The following MROH7 variants were observed in gnomAD, a reference collection of about 807,000 sequenced individuals.
The protein encoded by MROH7 is maestro heat-like repeat-containing protein family member 7.
Under a neutral mutation model 129.2 loss-of-function variants are expected in MROH7, and 113 were observed. The observed-to-expected ratio is 0.87, with a 90% confidence interval of 0.75 to 1.02. MROH7 has a LOEUF of 1.02. Ranked by LOEUF, MROH7 falls within the 50% of genes least tolerant of loss-of-function variation. The pLI, the probability that MROH7 is intolerant of heterozygous loss-of-function variation, is 0.00. For missense variants in MROH7, 1,601 were observed against 1,671.3 expected, an observed-to-expected ratio of 0.96 and a Z score of 0.73; for synonymous variants, 655 against 667.9, an observed-to-expected ratio of 0.98 and a Z score of 0.30.
chr1:54,679,434 G>C lies in MROH7; in HGVS notation c.2221G>C (p.Glu741Gln). ...GGAGTGGTACCGCCACAGGGCGCTG[G>C]AGGTGGTAAGGCCTCCTGGGGGCAG... ...VLEWYRHRAL[E>Q]VIPEIMQGIY... Residue 741 changes from glutamate to glutamine, a missense_variant, in exon 12 of 24, where the codon GAG (glutamate) becomes CAG (glutamine). Coordinates refer to ENST00000421030, the MANE Select transcript of MROH7 (RefSeq NM_001039464.4). 6.2e-7 allele frequency: 1 copy of C among 1,612,612 alleles called. No homozygotes were observed. The highest frequency in any genetic ancestry group is 8.5e-7 in the Non-Finnish European group (1 of 1,179,080).
intron 17 of MROH7, chr1:54,699,984 A>G: frequency 1.6e-6 from 1 of 622,360 alleles, no homozygotes; most frequent in Non-Finnish European, 2.9e-6. Flanking sequence ...TGGGTAGTTC[A>G]GAGAACAGGA....
At chr1:54,642,671 A>T (rs1019839048) in intron 1 of MROH7, among the ~76,000 whole-genome samples, 1 of 152,204 alleles carries the variant, frequency 6.6e-6, no homozygotes, top group African/African-American at 2.4e-5. Context: ...ACTGTAGTGC[A>T]GTGACATGAA....
intron 15 of MROH7, 86 bp downstream of exon 15, chr1:54,686,534 A>G: frequency 3.3e-6 from 4 of 1,223,472 alleles, no homozygotes; most frequent in Middle Eastern, 1.9e-4. Flanking sequence ...CTCAGGGGCA[A>G]TCAATCAATA....
chr1:54,702,848 T>A, intron 21 of MROH7, 103 bp downstream of exon 21: 2 of 1,384,844 alleles, frequency 1.4e-6, no homozygotes, highest in Non-Finnish European at 2.0e-6. Flanking sequence ...CCTATTTCCA[T>A]GACCAACTAC....
chr1:54,703,152 G>A lies in MROH7; in HGVS notation c.3564+407G>A, dbSNP rs1463756168. Among the ~76,000 whole-genome samples the A allele has an allele frequency of 1.3e-5, 2 of 151,922 alleles. No homozygotes were observed. Among genetic ancestry groups the A allele is most frequent in the African/African-American group, 4.8e-5 (2 of 41,320 alleles). On this transcript the variant is annotated intron_variant, in intron 21 of 23. Transcript: ENST00000421030. This position sits in a 1 kb window ranked among gnomAD's most constrained non-coding sequence, Gnocchi z 4.4. Reference sequence around the variant, plus strand: ...TCTGCTTTTCCCTCCCCACCCTGCTGCCATCGTTGCCCTTAATTCAGGGCA... The same window carrying A: ...TCTGCTTTTCCCTCCCCACCCTGCTACCATCGTTGCCCTTAATTCAGGGCA...
chr1:54,702,357 T>C lies in MROH7; in HGVS notation c.3441+112T>C. 3.1e-6 allele frequency: 3 copies of C among 979,692 alleles called. No individual in the cohort carries two copies. The South Asian group carries it at 8.5e-5, about 28-fold the overall frequency. The allele number at this position is 979,692 out of a possible 1,614,324, so 60.7% of individuals were successfully genotyped here. On this transcript the variant is annotated intron_variant, in intron 20 of 23. Coordinates refer to ENST00000421030, the MANE Select transcript of MROH7 (RefSeq NM_001039464.4). ...AAACAATCCTGGGGGCAGTTATGTA[T>C]GTCCAGCCATGTCTGTTTTCTAAAG...
Position 54,706,527 on chromosome 1 carries a change from C to G in MROH7, c.3657C>G (p.Val1219=), listed in dbSNP as rs1309905375. The G allele has an allele frequency of 1.9e-6, 3 of 1,612,488 alleles. No homozygotes were observed. In the African/African-American group the frequency reaches 4.0e-5, roughly 22 times the overall value. ...GGGCCTCCCTCCGGAAGTGCTCAGT[C>G]ATGTTCATAGGTAACCTGCCCTGGC... is the stretch of plus-strand genomic sequence containing the variant. The part of the protein sequence containing the change: ...NSRASLRKCS[V]MFIGSLVPCM... Residue 1219 remains valine, a synonymous_variant, in exon 22 of 24, where the codon GTC becomes GTG. Transcript: ENST00000421030.
chr1:54,673,250 G>T (rs1197501463), intron 8 of MROH7, 64 bp downstream of exon 8: 12 of 1,315,400 alleles, frequency 9.1e-6, no homozygotes, highest in Middle Eastern at 1.9e-4. Context: ...AGAAATTGGT[G>T]CAGGAGCAGT....
rs577050992 is a variant in MROH7 at position 54,679,977 on chromosome 1, C to T, written c.2313C>T (p.Ser771=). 6.2e-7 allele frequency: 1 copy of T among 1,613,940 alleles called. No individual in the cohort carries two copies. The highest frequency in any genetic ancestry group is 8.5e-7 in the Non-Finnish European group (1 of 1,179,998). The change falls in exon 13 of 24, where the codon TCC becomes TCT. Residue 771 remains serine, a synonymous_variant. Coordinates refer to ENST00000421030, the MANE Select transcript of MROH7 (RefSeq NM_001039464.4). ...GCCAGGTGGCCCTGCTGCCCGTCTCCCTCCTGGCTAGCTCCTTCATGACCG... is the reference window on the plus strand; with the variant it reads ...GCCAGGTGGCCCTGCTGCCCGTCTCTCTCCTGGCTAGCTCCTTCATGACCG... ...RARQVALLPV[S]LLASSFMTEV...
chr1:54,658,963 C>G (rs2101079450), intron 3 of MROH7, among the ~76,000 whole-genome samples: 1 of 152,330 alleles, frequency 6.6e-6, no homozygotes, highest in East Asian at 1.9e-4. Flanking sequence ...GACAACTGCT[C>G]TTGGTTGCTA....
intron 15 of MROH7, among the ~76,000 whole-genome samples, chr1:54,687,429 G>T (rs1349154483): frequency 6.6e-6 from 1 of 152,196 alleles, no homozygotes; most frequent in Non-Finnish European, 1.5e-5. Context: ...TAGGATCCCA[G>T]TGCACCATAA....
chr1:54,677,165 A>G (rs1439117409), intron 10 of MROH7, among the ~76,000 whole-genome samples: 13 of 152,112 alleles, frequency 8.5e-5, no homozygotes, highest in South Asian at 2.1e-4. Context: ...TTGGGAGGCC[A>G]AGGCAGGTGG....
intron 10 of MROH7, among the ~76,000 whole-genome samples, chr1:54,675,124 C>T (rs1356313241): frequency 1.3e-5 from 2 of 152,204 alleles, no homozygotes; most frequent in South Asian, 2.1e-4. Context: ...TACAGGCACA[C>T]ATCACCACAC....
At chr1:54,684,914 A>G (rs976902498) in intron 14 of MROH7, among the ~76,000 whole-genome samples, 3 of 152,222 alleles carry the variant, frequency 2.0e-5, no homozygotes, top group African/African-American at 4.8e-5. Context: ...CATTCAGCCC[A>G]TGTTAGGTCA....
chr1:54,698,159 GTGGAAGGTGAACTCCTTAAGGGAGC>G (rs1397954333), intron 17 of MROH7: 1 of 162,898 alleles, frequency 6.1e-6, no homozygotes, highest in Non-Finnish European at 1.3e-5. Flanking sequence ...GCTTCTCCCA[GTGGAAGGTGAACTCCTTAAGGGAGC>G]TGTGCCATCT....
At chr1:54,647,861 T>C (rs148822817) in intron 1 of MROH7, among the ~76,000 whole-genome samples, 24,052 of 141,214 alleles carry the variant, frequency 0.17, 2,361 homozygotes, top group Non-Finnish European at 0.24. Context: ...GCCAAAATTG[T>C]GCCATTGCAC....
rs1645578834 is a variant in MROH7, at chr1:54,708,943, G to C, written c.3668-71G>C. 4 of 1,260,726 alleles carry C rather than the reference G, an allele frequency of 3.2e-6. No homozygotes were observed. The African/African-American group carries it at 6.1e-5, about 19-fold the overall frequency. The allele number at this position is 1,260,726 out of a possible 1,614,324, so 78.1% of individuals were successfully genotyped here. On this transcript the variant is annotated intron_variant, in intron 22 of 23. Transcript: ENST00000421030. ...GGGAAAAGCATCTCTGAGGAACTCT[G>C]GTCTAAGGGTGGGTTGGGGTGGGGT...
rs1351487468 is a variant in MROH7 at position 54,695,962 on chromosome 1, C to T, written c.2964+472C>T. ...GAGGGCTTCCTGGAGGAGGTGACATCTAAGCTGAGTGTGTGTTGGGGAGGT... is the reference window on the plus strand; with the variant it reads ...GAGGGCTTCCTGGAGGAGGTGACATTTAAGCTGAGTGTGTGTTGGGGAGGT... On this transcript the variant is annotated intron_variant, in intron 17 of 23. Transcript: ENST00000421030. 1.4e-5 allele frequency: 4 copies of T among 288,684 alleles called. No individual in the cohort carries two copies. In the East Asian group the frequency reaches 3.8e-4, roughly 27 times the overall value. 17.9% of individuals were successfully genotyped at this position (288,684 alleles called of 1,614,324 possible). A position where few individuals can be genotyped will look rare whatever the true frequency, so the allele number is the denominator to read the frequency against.
At chr1:54,666,474 A>C (rs1457324174) in intron 4 of MROH7, among the ~76,000 whole-genome samples, 2 of 120,012 alleles carry the variant, frequency 1.7e-5, no homozygotes, top group Admixed American at 1.3e-4. Context: ...TCGCTCTGTC[A>C]CTCGGGCTGG....
Sources: allele counts gnomAD v4.1 joint callset (sites outside exome capture counted in the v4.1 genomes callset), GRCh38; gene constraint gnomAD v4.1.1; non-coding constraint Gnocchi (gnomAD v3.1); transcripts MANE v1.5; gene names NCBI Gene and HGNC (gene_info 2026-07-23, HGNC 2026-07-21).